Variants in ATP6V0A2 observed in about 807,000 individuals in gnomAD.
The protein encoded by ATP6V0A2 is ATPase H+ transporting V0 subunit a2.
In ATP6V0A2, 58 loss-of-function variants were observed where a neutral mutation model predicts 104.4. The observed-to-expected ratio is 0.56, with a 90% CI of 0.45 to 0.69. The LOEUF (loss-of-function observed/expected upper bound fraction) is 0.69. ATP6V0A2 is among the 30% of genes least tolerant of loss of function. The pLI is 0.00. For synonymous variants in ATP6V0A2, 376 were observed against 397.9 expected (o/e 0.95, Z 0.65); for missense variants, 938 against 1,062.9 (o/e 0.88, Z 1.63).
At chr12:123,724,848 A>G (rs1266176041) in intron 4 of ATP6V0A2, 57 bp downstream of exon 4, 2 of 1,508,392 alleles carry the variant, frequency 1.3e-6, no homozygotes, top group Non-Finnish European at 1.8e-6. Context: ...TTTTATAAAA[A>G]TCTCATTCCC....
At chr12:123,755,933 T>C (rs182686510) in intron 18 of ATP6V0A2, among the ~76,000 whole-genome samples, 1 of 151,750 alleles carries the variant, frequency 6.6e-6, no homozygotes, top group East Asian at 1.9e-4. Context: ...TACAAAAAAT[T>C]AGCCGGGCGT....
chr12:123,720,799 G>A (rs1956392013), intron 2 of ATP6V0A2, among the ~76,000 whole-genome samples: 1 of 152,144 alleles, frequency 6.6e-6, no homozygotes, highest in African/African-American at 2.4e-5. Flanking sequence ...TGAAGGTAGA[G>A]GCAGGAGGCT....
rs1956685025 is a variant in ATP6V0A2, at chr12:123,748,597, A to G, written c.1747A>G (p.Ile583Val). Residue 583 changes from isoleucine (I) to valine (V), a missense_variant, in exon 15 of 20, where the codon ATT (isoleucine) becomes GTT (valine). Transcript: ENST00000330342. ...TAGGCACTTCAGGAAGAAGTTCAAC[A>G]TTTACCTGGTTTCCATCCCGGAACT... ...NHLHFRKKFN[I>V]YLVSIPELLF... 6.2e-7 allele frequency: 1 copy of G among 1,613,786 alleles called. No individual in the cohort carries two copies. The highest frequency in any genetic ancestry group is 8.5e-7 in the Non-Finnish European group (1 of 1,179,786).
Position 123,746,376 on chromosome 12 carries a change from C to T in ATP6V0A2, c.1606-1231C>T, listed in dbSNP as rs1250306793. On this transcript the variant is annotated intron_variant, in intron 13 of 19. Transcript: ENST00000330342. ...AGTATGTATAATATAAATATATCAGCGAAGTTGACTGGCCTCCAACTTCTC... is the reference window on the plus strand; with the variant it reads ...AGTATGTATAATATAAATATATCAGTGAAGTTGACTGGCCTCCAACTTCTC... Among the ~76,000 whole-genome samples the T allele has an allele frequency of 7.3e-5, 11 of 151,654 alleles. 1 individual carries two copies. The South Asian group carries it at 1.3e-3, about 17-fold the overall frequency.
chr12:123,740,145 A>AAAAC (rs10661679), intron 9 of ATP6V0A2, among the ~76,000 whole-genome samples: 73,839 of 148,576 alleles, frequency 0.5, 19,873 homozygotes, highest in East Asian at 0.83. Context: ...CCTTGTCTCA[A>AAAAC]AAACAAACAA....
chr12:123,733,969 G>A lies in ATP6V0A2; in HGVS notation c.692G>A (p.Gly231Glu). The stretch of plus-strand genomic sequence containing the variant: ...TATGTCTTTTTAATATCCTTTTGGG[G>A]AGAGCAGATTGGCCACAAGGTTAAG... ...KWYVFLISFW[G>E]EQIGHKVKKI... The change falls in exon 7 of 20, where the codon GGA becomes GAA. Residue 231 changes from glycine (G) to glutamate (E), a missense_variant. Transcript: ENST00000330342. 1 of 1,613,548 alleles carries A rather than the reference G, an allele frequency of 6.2e-7. No homozygotes were observed.
chr12:123,745,687 C>T (rs1331955688), intron 13 of ATP6V0A2, among the ~76,000 whole-genome samples: 8 of 144,340 alleles, frequency 5.5e-5, no homozygotes, highest in African/African-American at 2.1e-4. Context: ...GCCTGGGCAA[C>T]GGAGCGAGAG....
Position 123,736,954 on chromosome 12 carries a change from AT to A in ATP6V0A2, c.826-104del. On this transcript the variant is annotated intron_variant, in intron 8 of 19. Coordinates refer to ENST00000330342, the MANE Select transcript of ATP6V0A2 (RefSeq NM_012463.4). ...CCAGGATAGGCAGGTGCCTGGAATG[AT>A]CCTCTGTCAATGGGGAGAAAGTCCT... The A allele has an allele frequency of 3.6e-6, 4 of 1,126,158 alleles. No homozygotes were observed. The East Asian group carries it at 9.4e-5, about 27-fold the overall frequency. 69.8% of individuals were successfully genotyped at this position (1,126,158 alleles called of 1,614,324 possible). A position where few individuals can be genotyped will look rare whatever the true frequency, so the allele number is the denominator to read the frequency against.
At chr12:123,740,190 G>GTCTC (rs1177760922) in intron 9 of ATP6V0A2, among the ~76,000 whole-genome samples, 1 of 140,226 alleles carries the variant, frequency 7.1e-6, no homozygotes, top group Non-Finnish European at 1.5e-5. Context: ...TTTACAGAAT[G>GTCTC]TCTCTCTCTC....
chr12:123,713,726 G>A (rs1956314169), intron 1 of ATP6V0A2, among the ~76,000 whole-genome samples: 1 of 151,962 alleles, frequency 6.6e-6, no homozygotes, highest in Non-Finnish European at 1.5e-5. Context: ...AGACCGTGAA[G>A]CAAGTACTTA....
rs1157582590 is a variant in ATP6V0A2 at position 123,719,362 on chromosome 12, C to CA, written c.196+662dup. Among the ~76,000 whole-genome samples, 56 of 151,580 alleles carry CA rather than the reference C, an allele frequency of 3.7e-4. 1 individual carries two copies. The highest frequency in any genetic ancestry group is 1.3e-3 in the African/African-American group (53 of 41,318). On this transcript the variant is annotated intron_variant, in intron 2 of 19. Transcript: ENST00000330342. Reference sequence around the variant, plus strand: ...TCTCACTGAAGTGGAGGGAAAATGACAGACAGTCAACTGAAGGACAAAGCT... The same window carrying CA: ...TCTCACTGAAGTGGAGGGAAAATGACAAGACAGTCAACTGAAGGACAAAGCT...
rs763682044 is a variant in ATP6V0A2 at position 123,758,035 on chromosome 12, A to G, written c.*3A>G. 50 of 1,579,898 alleles carry G rather than the reference A, an allele frequency of 3.2e-5. No homozygotes were observed. Among genetic ancestry groups the G allele is most frequent in the Non-Finnish European group, 4.1e-5 (47 of 1,149,126 alleles). Reference sequence around the variant, plus strand: ...ATAACGACGACAGTGTGGCATGATCATATTGCTGTAACCAACAAGCTTTCA... The same window carrying G: ...ATAACGACGACAGTGTGGCATGATCGTATTGCTGTAACCAACAAGCTTTCA... On this transcript the variant is annotated 3_prime_UTR_variant, in exon 20 of 20. Coordinates refer to ENST00000330342, the MANE Select transcript of ATP6V0A2 (RefSeq NM_012463.4).
intron 9 of ATP6V0A2, among the ~76,000 whole-genome samples, chr12:123,741,639 T>A (rs2135906612): frequency 6.6e-6 from 1 of 152,146 alleles, no homozygotes; most frequent in East Asian, 1.9e-4. Flanking sequence ...TTATTTATAT[T>A]TTTTTGTAGA....
chr12:123,712,463 AGGAAGAGCTCGAGGCCCGGGCCGCACCG>A lies in ATP6V0A2; in HGVS notation c.-101_-74del. The stretch of plus-strand genomic sequence containing the variant: ...TAGTGCGGGGCCGCGGCCAGGCCAC[AGGAAGAGCTCGAGGCCCGGGCCGCACCG>A]GCTGAGTGTGCGGGCCCGCGCGGCT... On this transcript the variant is annotated 5_prime_UTR_variant, in exon 1 of 20. Transcript: ENST00000330342. 1.5e-6 allele frequency: 1 copy of A among 681,352 alleles called. No homozygotes were observed. The highest frequency in any genetic ancestry group is 3.6e-5 in the East Asian group (1 of 27,880). The allele number at this position is 681,352 out of a possible 1,614,324, so 42.2% of individuals were successfully genotyped here.
At position 123,744,865 on chromosome 12, in the gene ATP6V0A2, T is replaced by C. The variant is rs1193589657; in HGVS notation, c.1515-17T>C. The C allele has an allele frequency of 1.2e-6, 2 of 1,613,952 alleles. No individual in the cohort carries two copies. Among genetic ancestry groups the C allele is most frequent in the African/African-American group, 2.7e-5 (2 of 74,916 alleles). On this transcript the variant is annotated splice_polypyrimidine_tract_variant and intron_variant, in intron 12 of 19. Transcript: ENST00000330342. The surrounding 1 kb of genome is among the most constrained non-coding windows in gnomAD (Gnocchi z 5.4). The stretch of plus-strand genomic sequence containing the variant: ...CCTCCTCCCAGGTCAGCCTCCTCAC[T>C]CTGCTTTTTGTTACAGTGACAGCGT...
chr12:123,727,085 C>G (rs931185379), intron 5 of ATP6V0A2, among the ~76,000 whole-genome samples: 1 of 152,156 alleles, frequency 6.6e-6, no homozygotes, highest in Admixed American at 6.5e-5. Context: ...TGGTCCATCC[C>G]TTCACTGAGG....
intron 18 of ATP6V0A2, among the ~76,000 whole-genome samples, chr12:123,755,284 C>A (rs1015743041): frequency 3.3e-5 from 5 of 152,246 alleles, no homozygotes; most frequent in Admixed American, 2.6e-4. Context: ...CACCTGTAAT[C>A]CCAGCACTTT....
chr12:123,721,202 G>GTT (rs1199482990), intron 2 of ATP6V0A2: 1 of 161,316 alleles, frequency 6.2e-6, no homozygotes, highest in Non-Finnish European at 1.4e-5. Flanking sequence ...GTTTTGTTTT[G>GTT]TTTTGTTTTG....
rs770144778 is a variant in ATP6V0A2, at chr12:123,712,622, G to A, written c.57G>A (p.Ser19=). The A allele has an allele frequency of 1.2e-6, 2 of 1,606,782 alleles. No homozygotes were observed. The highest frequency in any genetic ancestry group is 1.7e-6 in the Non-Finnish European group (2 of 1,177,554). Residue 19 remains serine, a synonymous_variant, in exon 1 of 20, where the codon TCG becomes TCA. Transcript: ENST00000330342. ...GCCTGGCGCAGCTCTTCCTGCAGTCGGGCACGGCCTACGAGTGCCTCAGCG... is the reference window on the plus strand; with the variant it reads ...GCCTGGCGCAGCTCTTCCTGCAGTCAGGCACGGCCTACGAGTGCCTCAGCG... ...TMCLAQLFLQ[S]GTAYECLSAL... is the part of the protein sequence containing the mutation.
Sources: gnomAD v4.1 joint callset for allele counts (sites outside exome capture counted in the v4.1 genomes callset) on GRCh38, gnomAD v4.1.1 for gene constraint, Gnocchi (gnomAD v3.1) non-coding constraint, MANE v1.5 for transcripts, NCBI Gene and HGNC (gene_info 2026-07-23, HGNC 2026-07-21) for gene names.